ANGPT1: variants seen among roughly 807,000 people sequenced by gnomAD.
ANGPT1 encodes the protein angiopoietin 1.
In ANGPT1, 17 loss-of-function variants were observed where a neutral mutation model predicts 62.2. That is an observed-to-expected ratio of 0.27 (90% CI 0.19 to 0.41). ANGPT1 has a LOEUF of 0.41. Ranked by LOEUF, ANGPT1 falls within the 10% of genes least tolerant of loss-of-function variation. The probability of loss-of-function intolerance (pLI) is 1.00; values close to 1 mark genes in which losing one functional copy is unlikely to be tolerated. For synonymous variants in ANGPT1, 199 were observed against 198.9 expected, an observed-to-expected ratio of 1.00 and a Z score of 0.00; for missense variants, 478 against 594.9, an observed-to-expected ratio of 0.80 and a Z score of 2.04.
chr8:107,375,885 CCT>C (rs1816521698), intron 1 of ANGPT1, among the ~76,000 whole-genome samples: 1 of 152,226 alleles, frequency 6.6e-6, no homozygotes, highest in East Asian at 1.9e-4. Flanking sequence ...GCAGCTTGCC[CCT>C]GTCTTCCAGG....
chr8:107,471,804 G>T (rs1177168276), intron 1 of ANGPT1, among the ~76,000 whole-genome samples: 1 of 151,954 alleles, frequency 6.6e-6, no homozygotes, highest in African/African-American at 2.4e-5. Flanking sequence ...TCATCTTAAG[G>T]TCTGTAGAAA....
At chr8:107,417,308 T>C (rs1430577360) in intron 1 of ANGPT1, among the ~76,000 whole-genome samples, 1 of 152,158 alleles carries the variant, frequency 6.6e-6, no homozygotes, top group East Asian at 1.9e-4. Context: ...GAGAGAATGA[T>C]CTGATATCAT....
rs200313539 is a variant in ANGPT1 at position 107,266,692 on chromosome 8, C to T, written c.1206-2341G>A. ...TACGGTAAGTCAATGCCATTTTCTC[C>T]GCAGTAGCTTTAAGCTCACTAATAA... is the stretch of plus-strand genomic sequence containing the variant. On this transcript the variant is annotated intron_variant, in intron 7 of 8. Coordinates refer to ENST00000517746, the MANE Select transcript of ANGPT1 (RefSeq NM_001146.5). 2.5e-4 allele frequency among the ~76,000 whole-genome samples: 37 copies of T among 147,860 alleles called. No homozygotes were observed. In the East Asian group the frequency reaches 7.0e-3, roughly 28 times the overall value.
chr8:107,261,845 G>T (rs1276860475), intron 8 of ANGPT1, among the ~76,000 whole-genome samples: 1 of 152,132 alleles, frequency 6.6e-6, no homozygotes, highest in Non-Finnish European at 1.5e-5. Flanking sequence ...TCAATGGGCT[G>T]TGATTTGGTG....
rs554059772 is a variant in ANGPT1, at chr8:107,320,705, C to T, written c.808+1191G>A. On this transcript the variant is annotated intron_variant, in intron 4 of 8. Coordinates refer to ENST00000517746, the MANE Select transcript of ANGPT1 (RefSeq NM_001146.5). Reference sequence around the variant, plus strand: ...GTTTAAAAAATATTACTTTACAAAGCATATTAAAGGCTTGTTTAGACTATC... The same window carrying T: ...GTTTAAAAAATATTACTTTACAAAGTATATTAAAGGCTTGTTTAGACTATC... 3.3e-5 allele frequency among the ~76,000 whole-genome samples: 5 copies of T among 152,164 alleles called. No homozygotes were observed. The South Asian group carries it at 6.2e-4, about 19-fold the overall frequency.
At position 107,330,193 on chromosome 8, in the gene ANGPT1, T is replaced by TC. The variant is rs1235939116; in HGVS notation, c.575+5956dup. Reference sequence around the variant, plus strand: ...CACTGCTGCTCATGTCAGGCACTGTTCTCAGTGATTTACACACATTAACTC... The same window carrying TC: ...CACTGCTGCTCATGTCAGGCACTGTTCCTCAGTGATTTACACACATTAACTC... On this transcript the variant is annotated intron_variant, in intron 3 of 8. Transcript: ENST00000517746. 2.0e-5 allele frequency among the ~76,000 whole-genome samples: 3 copies of TC among 152,328 alleles called. No homozygotes were observed. The East Asian group carries it at 5.8e-4, about 29-fold the overall frequency.
chr8:107,334,028 A>AGGAAGGAG (rs1467345967), intron 3 of ANGPT1, among the ~76,000 whole-genome samples: 1 of 150,358 alleles, frequency 6.7e-6, no homozygotes, highest in Non-Finnish European at 1.5e-5. Context: ...GAAGGAAGGA[A>AGGAAGGAG]GGAAGGAAGG....
intron 7 of ANGPT1, among the ~76,000 whole-genome samples, chr8:107,272,126 G>A (rs1813750203): frequency 6.6e-6 from 1 of 151,978 alleles, no homozygotes; most frequent in Non-Finnish European, 1.5e-5. Flanking sequence ...TGTTTCAGAA[G>A]CTACAGATGT....
At chr8:107,389,554 C>A (rs1304938515) in intron 1 of ANGPT1, among the ~76,000 whole-genome samples, 1 of 151,984 alleles carries the variant, frequency 6.6e-6, no homozygotes, top group Admixed American at 6.6e-5. Context: ...GCACATGTTC[C>A]ACTGGGGGCT....
At chr8:107,481,305 C>T (rs1370698928) in intron 1 of ANGPT1, among the ~76,000 whole-genome samples, 16 of 151,972 alleles carry the variant, frequency 1.1e-4, no homozygotes, top group Admixed American at 1.0e-3. Context: ...GAGGCTGAGG[C>T]AGGTGGATCA....
intron 1 of ANGPT1, among the ~76,000 whole-genome samples, chr8:107,395,825 AG>A (rs1249389553): frequency 1.3e-5 from 2 of 152,182 alleles, no homozygotes; most frequent in African/African-American, 2.4e-5. Context: ...AGAATTTCCA[AG>A]AAAAAGATAG....
intron 1 of ANGPT1, among the ~76,000 whole-genome samples, chr8:107,367,809 A>G (rs1464057271): frequency 6.6e-6 from 1 of 152,212 alleles, no homozygotes; most frequent in African/African-American, 2.4e-5. Flanking sequence ...AAGGTTTATC[A>G]GGAGATTGCA....
At chr8:107,288,759 C>T (rs781345628) in intron 6 of ANGPT1, among the ~76,000 whole-genome samples, 1 of 152,064 alleles carries the variant, frequency 6.6e-6, no homozygotes, top group Non-Finnish European at 1.5e-5. Flanking sequence ...ATACTGAGGT[C>T]CCTATAGGGA....
intron 4 of ANGPT1, among the ~76,000 whole-genome samples, chr8:107,321,611 C>T (rs536783636): frequency 8.6e-5 from 13 of 151,972 alleles, no homozygotes; most frequent in African/African-American, 1.4e-4. Context: ...TATTTATTCA[C>T]GACAGTATCA....
intron 1 of ANGPT1, among the ~76,000 whole-genome samples, chr8:107,369,018 A>C (rs1586262376): frequency 8.4e-6 from 1 of 119,228 alleles, no homozygotes; most frequent in East Asian, 2.6e-4. Flanking sequence ...GAAGCTTTGA[A>C]GCCAGGCATT....
At chr8:107,269,296 AT>A (rs1466093879) in intron 7 of ANGPT1, among the ~76,000 whole-genome samples, 1 of 151,846 alleles carries the variant, frequency 6.6e-6, no homozygotes, top group Non-Finnish European at 1.5e-5. Flanking sequence ...AGTGCCAAGT[AT>A]TTCTGTAATT....
chr8:107,421,340 A>C (rs1810890720), intron 1 of ANGPT1, among the ~76,000 whole-genome samples: 1 of 152,208 alleles, frequency 6.6e-6, no homozygotes, highest in Admixed American at 6.5e-5. Flanking sequence ...CCAGTAAAAG[A>C]AAGTCAAAAA....
intron 1 of ANGPT1, among the ~76,000 whole-genome samples, chr8:107,397,833 A>T (rs1037102502): frequency 6.6e-6 from 1 of 152,146 alleles, no homozygotes. Flanking sequence ...CAACTAGTGG[A>T]GTCCCATTTT....
At chr8:107,424,527 T>C (rs548068112) in intron 1 of ANGPT1, among the ~76,000 whole-genome samples, 1 of 152,240 alleles carries the variant, frequency 6.6e-6, no homozygotes, top group South Asian at 2.1e-4. Flanking sequence ...TAAACCTTCT[T>C]TGGTCAATTT....
Sources: gnomAD v4.1 joint callset for allele counts (sites outside exome capture counted in the v4.1 genomes callset) on GRCh38, gnomAD v4.1.1 for gene constraint, MANE v1.5 for transcripts, NCBI Gene and HGNC (gene_info 2026-07-23, HGNC 2026-07-21) for gene names.